Variants in ANKS1B observed in about 807,000 individuals in gnomAD.
ANKS1B encodes the protein ankyrin repeat and sterile alpha motif domain-containing protein 1B.
Under a neutral mutation model 148.3 loss-of-function variants are expected in ANKS1B, and 36 were observed. The ratio of observed to expected loss-of-function variants is 0.24; its 90% CI spans 0.19 to 0.32. The LOEUF (loss-of-function observed/expected upper bound fraction) is 0.32. ANKS1B is among the 10% of genes least tolerant of loss of function. ANKS1B has a pLI of 1.00. For missense variants in ANKS1B, 1,157 were observed against 1,542.6 expected (o/e 0.75, Z 4.19); for synonymous variants, 542 against 560.8 (o/e 0.97, Z 0.47).
At chr12:99,088,319 A>C (rs1395959255) in intron 15 of ANKS1B, among the ~76,000 whole-genome samples, 5 of 152,188 alleles carry the variant, frequency 3.3e-5, no homozygotes, top group Non-Finnish European at 7.4e-5. Flanking sequence ...GGCGGGGCAA[A>C]CTTGGCTAAG....
intron 8 of ANKS1B, among the ~76,000 whole-genome samples, chr12:99,753,025 T>A (rs148744637): frequency 6.6e-6 from 1 of 152,124 alleles, no homozygotes; most frequent in East Asian, 1.9e-4. Context: ...TTAAACTGCA[T>A]GATTATATAG....
At chr12:99,926,505 T>C (rs2094480210) in intron 1 of ANKS1B, among the ~76,000 whole-genome samples, 1 of 152,172 alleles carries the variant, frequency 6.6e-6, no homozygotes, top group Admixed American at 6.5e-5. Context: ...TTTTCCTGCC[T>C]TCTGACTTGA....
intron 8 of ANKS1B, among the ~76,000 whole-genome samples, chr12:99,709,301 G>A (rs1243186752): frequency 2.6e-5 from 4 of 152,156 alleles, no homozygotes; most frequent in Non-Finnish European, 5.9e-5. Flanking sequence ...GTGCTGGAAT[G>A]TACTTCAGTA....
chr12:99,485,707 A>T (rs2096479943), intron 10 of ANKS1B, among the ~76,000 whole-genome samples: 1 of 151,962 alleles, frequency 6.6e-6, no homozygotes, highest in Admixed American at 6.6e-5. Context: ...TTTCTTGAAG[A>T]CTGTATTCAT....
chr12:99,157,971 T>A (rs1298793960), intron 14 of ANKS1B, among the ~76,000 whole-genome samples: 1 of 152,134 alleles, frequency 6.6e-6, no homozygotes, highest in Non-Finnish European at 1.5e-5. Context: ...AGGTATTCAA[T>A]CCTTCAATTT....
chr12:99,023,700 C>G (rs931151634), intron 17 of ANKS1B, among the ~76,000 whole-genome samples: 1 of 151,694 alleles, frequency 6.6e-6, no homozygotes, highest in Admixed American at 6.6e-5. Context: ...TTAATATTCT[C>G]TATGTGGAAT....
intron 8 of ANKS1B, among the ~76,000 whole-genome samples, chr12:99,731,458 G>GTGTT (rs1399724174): frequency 7.3e-6 from 1 of 137,116 alleles, no homozygotes; most frequent in Non-Finnish European, 1.6e-5. Flanking sequence ...GTGTGTGTGT[G>GTGTT]TTTTAATTAT....
intron 12 of ANKS1B, among the ~76,000 whole-genome samples, chr12:99,345,332 C>T (rs1355780516): frequency 6.6e-6 from 1 of 151,902 alleles, no homozygotes; most frequent in Non-Finnish European, 1.5e-5. Context: ...AATGTAGGGT[C>T]ATTCTTTTAG....
intron 8 of ANKS1B, among the ~76,000 whole-genome samples, chr12:99,737,923 C>T (rs548521517): frequency 6.6e-6 from 1 of 152,266 alleles, no homozygotes; most frequent in African/African-American, 2.4e-5. Flanking sequence ...CAGCCTCCAA[C>T]TTCTATCCTA....
chr12:99,237,785 T>C (rs1048737898), intron 14 of ANKS1B, among the ~76,000 whole-genome samples: 3 of 152,332 alleles, frequency 2.0e-5, no homozygotes, highest in East Asian at 1.9e-4. Context: ...TGTGTGTCTA[T>C]ATATATACAT....
At chr12:99,588,330 A>G (rs1291983007) in intron 9 of ANKS1B, among the ~76,000 whole-genome samples, 1 of 152,178 alleles carries the variant, frequency 6.6e-6, no homozygotes, top group Non-Finnish European at 1.5e-5. Context: ...TTCTCTTTCT[A>G]AAGGATTTCT....
intron 16 of ANKS1B, chr12:99,079,942 A>G (rs1023490655): frequency 3.3e-5 from 5 of 152,294 alleles, no homozygotes; most frequent in African/African-American, 9.6e-5. Flanking sequence ...CCAGTTCCCC[A>G]TGAATTTGCA....
intron 12 of ANKS1B, among the ~76,000 whole-genome samples, chr12:99,277,123 T>G (rs1445671125): frequency 6.6e-6 from 1 of 152,212 alleles, no homozygotes; most frequent in South Asian, 2.1e-4. Context: ...AAAAGAGAAC[T>G]TGTTATTTTG....
At chr12:99,372,729 A>C (rs2093206643) in intron 12 of ANKS1B, among the ~76,000 whole-genome samples, 2 of 152,136 alleles carry the variant, frequency 1.3e-5, no homozygotes, top group Non-Finnish European at 2.9e-5. Context: ...GGCTCTGCAT[A>C]AAATGTTACT....
At chr12:99,775,733 C>T in intron 6 of ANKS1B, 72 bp from the exon 7 acceptor site, 1 of 869,912 alleles carries the variant, frequency 1.1e-6, no homozygotes. Flanking sequence ...TTAAGTTTTA[C>T]TTCTGGTAAT....
intron 14 of ANKS1B, among the ~76,000 whole-genome samples, chr12:99,243,780 A>G (rs945945892): frequency 6.6e-6 from 1 of 152,202 alleles, no homozygotes; most frequent in South Asian, 2.1e-4. Flanking sequence ...ACAAGGACAG[A>G]AAACCAAACA....
intron 12 of ANKS1B, among the ~76,000 whole-genome samples, chr12:99,340,714 C>G (rs1198778816): frequency 6.6e-6 from 1 of 151,736 alleles, no homozygotes; most frequent in Non-Finnish European, 1.5e-5. Flanking sequence ...GACTATATTA[C>G]CAATTACCTT....
intron 14 of ANKS1B, among the ~76,000 whole-genome samples, chr12:99,161,810 T>C (rs897473443): frequency 6.6e-6 from 1 of 152,134 alleles, no homozygotes; most frequent in African/African-American, 2.4e-5. Context: ...AGGCAATTAC[T>C]GGAGTCTAAT....
chr12:99,818,596 T>C (rs1188412299), intron 2 of ANKS1B, among the ~76,000 whole-genome samples: 1 of 151,678 alleles, frequency 6.6e-6, no homozygotes, highest in Admixed American at 6.6e-5. Flanking sequence ...AAATAACAAA[T>C]ACTCTAAAAT....
Sources: gnomAD v4.1 joint callset for allele counts (sites outside exome capture counted in the v4.1 genomes callset) on GRCh38, gnomAD v4.1.1 for gene constraint, MANE v1.5 for transcripts, NCBI Gene and HGNC (gene_info 2026-07-23, HGNC 2026-07-21) for gene names.